DNTT: variants seen among roughly 807,000 people sequenced by gnomAD.
The protein encoded by DNTT is nucleosidetriphosphate:DNA deoxynucleotidylexotransferase.
DNTT carries 47 observed loss-of-function variants against 60.9 expected under a neutral mutation model. That is an observed-to-expected ratio of 0.77 (90% CI 0.61 to 0.98). The LOEUF is 0.98. Ranked by LOEUF, DNTT falls within the 50% of genes least tolerant of loss-of-function variation. DNTT has a pLI of 0.00. For synonymous variants in DNTT, 224 were observed against 221.2 expected, an observed-to-expected ratio of 1.01 and a Z score of -0.11; for missense variants, 665 against 627.5, an observed-to-expected ratio of 1.06 and a Z score of -0.64.
chr10:96,311,771 G>A (rs1844717424), intron 1 of DNTT, among the ~76,000 whole-genome samples: 1 of 152,210 alleles, frequency 6.6e-6, no homozygotes, highest in Non-Finnish European at 1.5e-5. Context: ...AGCCTCCCGA[G>A]TGGCTGGGAT....
intron 10 of DNTT, among the ~76,000 whole-genome samples, chr10:96,336,940 G>GAAA (rs71034371): frequency 0.055 from 7,170 of 129,802 alleles, 658 homozygotes; most frequent in East Asian, 0.42. Context: ...TCTGTGTCAG[G>GAAA]AAAAAAAAAA....
chr10:96,307,638 G>A (rs779297107), intron 1 of DNTT, among the ~76,000 whole-genome samples: 16 of 147,924 alleles, frequency 1.1e-4, no homozygotes, highest in Admixed American at 1.0e-3. Flanking sequence ...ACAAGCGTGA[G>A]CACCGTGCCT....
chr10:96,338,278 T>G lies in DNTT; in HGVS notation c.*54T>G. On this transcript the variant is annotated 3_prime_UTR_variant, in exon 11 of 11. Transcript: ENST00000371174. ...TCTTTTCAAGTTAAATAAATTATGC[T>G]TCATATTAGTAAAAGATGCCATAGG... 3 of 1,523,856 alleles carry G rather than the reference T, an allele frequency of 2.0e-6. No homozygotes were observed. The South Asian group carries it at 3.6e-5, about 18-fold the overall frequency. The allele number at this position is 1,523,856 out of a possible 1,614,324, so 94.4% of individuals were successfully genotyped here.
At chr10:96,337,545 A>G (rs1311304909) in intron 10 of DNTT, among the ~76,000 whole-genome samples, 1 of 152,244 alleles carries the variant, frequency 6.6e-6, no homozygotes, top group African/African-American at 2.4e-5. Flanking sequence ...AAATAGTTCA[A>G]TGTAAGCAAG....
At chr10:96,307,343 GTTTTTTTTTTTTTTT>G (rs533516556) in intron 1 of DNTT, among the ~76,000 whole-genome samples, 4 of 67,596 alleles carry the variant, frequency 5.9e-5, no homozygotes, top group South Asian at 6.0e-4. Flanking sequence ...GGGTTTTCCA[GTTTTTTTTTTTTTTT>G]TTTTTTTTTT....
At chr10:96,307,343 G>GTTGTTTTTTTTTTT (rs1844650391) in intron 1 of DNTT, among the ~76,000 whole-genome samples, 14 of 67,596 alleles carry the variant, frequency 2.1e-4, no homozygotes, top group African/African-American at 7.7e-4. Context: ...GGGTTTTCCA[G>GTTGTTTTTTTTTTT]TTTTTTTTTT....
intron 9 of DNTT, 34 bp from the exon 10 acceptor site, chr10:96,335,857 T>C (rs367949544): frequency 1.3e-5 from 21 of 1,602,196 alleles, no homozygotes; most frequent in Non-Finnish European, 1.7e-6. Flanking sequence ...ATTCTAGACG[T>C]GTTAATAATT....
At chr10:96,317,516 G>A (rs1844800800) in intron 1 of DNTT, among the ~76,000 whole-genome samples, 1 of 152,100 alleles carries the variant, frequency 6.6e-6, no homozygotes, top group Non-Finnish European at 1.5e-5. Context: ...TGTTTCTATG[G>A]TCTGAATATT....
intron 2 of DNTT, among the ~76,000 whole-genome samples, chr10:96,319,001 G>A (rs569816803): frequency 1.3e-5 from 2 of 152,284 alleles, no homozygotes; most frequent in South Asian, 2.1e-4. Context: ...TTTGGGAAGA[G>A]GGCTTGGACC....
At chr10:96,328,643 G>C (rs973734327) in intron 7 of DNTT, 82 bp from the exon 8 acceptor site, 1 of 1,371,246 alleles carries the variant, frequency 7.3e-7, no homozygotes, top group Non-Finnish European at 1.0e-6. Flanking sequence ...CTTAAGCATA[G>C]GGCATAGAAA....
At chr10:96,323,411 T>C (rs1448621348) in intron 5 of DNTT, among the ~76,000 whole-genome samples, 1 of 151,946 alleles carries the variant, frequency 6.6e-6, no homozygotes, top group Non-Finnish European at 1.5e-5. Context: ...AACATACAAA[T>C]GGGTTGGGAG....
chr10:96,328,746 T>G lies in DNTT; in HGVS notation c.1029T>G (p.Asp343Glu), dbSNP rs1156839585. ...GFRRGKKMGH[D>E]VDFLITSPGS... ...TTAGGGGTAAGAAGATGGGGCATGA[T>G]GTAGATTTTTTAATTACCAGCCCAG... The change falls in exon 8 of 11, where the codon GAT becomes GAG. Residue 343 changes from aspartate (D) to glutamate (E), a missense_variant. By Grantham distance (45) the Asp-to-Glu change is conservative. Coordinates refer to ENST00000371174, the MANE Select transcript of DNTT (RefSeq NM_004088.4). 1.9e-6 allele frequency: 3 copies of G among 1,613,842 alleles called. No homozygotes were observed. Among genetic ancestry groups the G allele is most frequent in the Non-Finnish European group, 1.7e-6 (2 of 1,179,898 alleles).
chr10:96,333,633 C>A (rs978489087), intron 9 of DNTT, among the ~76,000 whole-genome samples: 2 of 152,192 alleles, frequency 1.3e-5, no homozygotes, highest in Non-Finnish European at 2.9e-5. Flanking sequence ...ATGACACAGC[C>A]TTTCGAAAAC....
chr10:96,332,611 G>A lies in DNTT; in HGVS notation c.1359+15G>A, dbSNP rs1564875177. On this transcript the variant is annotated intron_variant, in intron 9 of 10. Transcript: ENST00000371174. ...CTGGCTCCCGGGTAAGTGCTACATG[G>A]ACCCATGGGATGATGTTAGCTTTCT... is the stretch of plus-strand genomic sequence containing the variant. The A allele has an allele frequency of 6.2e-7, 1 of 1,609,244 alleles. No homozygotes were observed. The highest frequency in any genetic ancestry group is 2.2e-5 in the East Asian group (1 of 44,726).
At chr10:96,331,647 A>C (rs938858009) in intron 8 of DNTT, among the ~76,000 whole-genome samples, 2 of 151,902 alleles carry the variant, frequency 1.3e-5, no homozygotes, top group African/African-American at 2.4e-5. Flanking sequence ...TGACCCAAAG[A>C]CCTCCCATTA....
chr10:96,335,036 TCTC>T (rs1277608041), intron 9 of DNTT, among the ~76,000 whole-genome samples: 1 of 152,208 alleles, frequency 6.6e-6, no homozygotes, highest in Non-Finnish European at 1.5e-5. Flanking sequence ...GCAAAGTCCA[TCTC>T]CTCAACCATC....
chr10:96,322,552 T>C (rs1844893294), intron 4 of DNTT, 105 bp from the exon 5 acceptor site: 3 of 770,358 alleles, frequency 3.9e-6, no homozygotes, highest in East Asian at 2.7e-5. Flanking sequence ...ATGTGATGCA[T>C]GCACATTTCA....
intron 9 of DNTT, 143 bp downstream of exon 9, chr10:96,332,739 C>T: frequency 8.0e-7 from 1 of 1,253,564 alleles, no homozygotes; most frequent in Non-Finnish European, 1.1e-6. Flanking sequence ...TAACTCAAGG[C>T]ATCCTGTCCA....
Position 96,332,371 on chromosome 10 carries a change from C to G in DNTT, c.1134C>G (p.Asp378Glu). ...TTCAGGGATTACTTTTATATTATGA[C>G]CTTGTGGAGTCAACATTTGAAAAGC... ...WEKKGLLLYY[D>E]LVESTFEKLR... The change falls in exon 9 of 11, where the codon GAC (aspartate) becomes GAG (glutamate). Residue 378 changes from aspartate to glutamate, a missense_variant. Coordinates refer to ENST00000371174, the MANE Select transcript of DNTT (RefSeq NM_004088.4). 1 of 1,614,096 alleles carries G rather than the reference C, an allele frequency of 6.2e-7. No homozygotes were observed. Among genetic ancestry groups the G allele is most frequent in the Non-Finnish European group, 8.5e-7 (1 of 1,179,980 alleles).
Sources: gnomAD v4.1 joint callset for allele counts (sites outside exome capture counted in the v4.1 genomes callset) on GRCh38, gnomAD v4.1.1 for gene constraint, MANE v1.5 for transcripts, NCBI Gene and HGNC (gene_info 2026-07-23, HGNC 2026-07-21) for gene names.